Variants in PIK3C2G observed in about 807,000 individuals in gnomAD.
PIK3C2G encodes phosphatidylinositol-4-phosphate 3-kinase catalytic subunit type 2 gamma, also known as phosphatidylinositol 3-kinase C2 domain-containing subunit gamma.
In PIK3C2G, 168 loss-of-function variants were observed where a neutral mutation model predicts 181.1. The ratio of observed to expected loss-of-function variants is 0.93; its 90% CI spans 0.82 to 1.05. PIK3C2G has a LOEUF of 1.05. Ranked by LOEUF, PIK3C2G falls within the 50% of genes least tolerant of loss-of-function variation. The pLI, the probability that PIK3C2G is intolerant of heterozygous loss-of-function variation, is 0.00. For missense variants in PIK3C2G, 1,869 were observed against 1,732.8 expected (o/e 1.08, Z -1.40); for synonymous variants, 573 against 592.2 (o/e 0.97, Z 0.47).
chr12:18,709,526 T>C, the PIK3C2G span, among the ~76,000 whole-genome samples: 1 of 46,136 alleles, frequency 2.2e-5, no homozygotes, highest in African/African-American at 7.2e-5. Context: ...TTACAAATTT[T>C]AGGACTTTTT....
chr12:18,546,089 A>T (rs1944406157), intron 25 of PIK3C2G, among the ~76,000 whole-genome samples: 1 of 151,884 alleles, frequency 6.6e-6, no homozygotes, highest in African/African-American at 2.4e-5. Context: ...AATCTACAAG[A>T]ATGTTCCAAT....
the PIK3C2G span, chr12:18,696,247 G>A: frequency 2.1e-5 from 33 of 1,580,738 alleles, no homozygotes; most frequent in Non-Finnish European, 2.7e-5. Flanking sequence ...ACTTCCTGGT[G>A]TGAAAAATAA....
the PIK3C2G span, chr12:18,696,095 A>T: frequency 1.0e-6 from 1 of 987,610 alleles, no homozygotes; most frequent in Non-Finnish European, 1.6e-6. Context: ...ACATTCATAA[A>T]ATGAATTCAT....
At chr12:18,265,000 T>G (rs1948421028) in intron 1 of PIK3C2G, among the ~76,000 whole-genome samples, 1 of 152,196 alleles carries the variant, frequency 6.6e-6, no homozygotes, top group Admixed American at 6.5e-5. Flanking sequence ...TTTCTTAGAG[T>G]CTTCATGATA....
chr12:18,657,789 G>A, the PIK3C2G span, among the ~76,000 whole-genome samples: 1 of 151,978 alleles, frequency 6.6e-6, no homozygotes, highest in Admixed American at 6.6e-5. Context: ...TGTGAAGTGT[G>A]CAAATAATAA....
At chr12:18,655,387 C>T in the PIK3C2G span, among the ~76,000 whole-genome samples, 606 of 152,108 alleles carry the variant, frequency 4.0e-3, 7 homozygotes, top group African/African-American at 0.014. Context: ...TAGTTATCCA[C>T]GAATCCACAC....
intron 14 of PIK3C2G, among the ~76,000 whole-genome samples, chr12:18,383,047 C>G (rs948308182): frequency 6.6e-6 from 1 of 152,084 alleles, no homozygotes; most frequent in Non-Finnish European, 1.5e-5. Flanking sequence ...CATAGACACT[C>G]CACACACGAT....
chr12:18,548,901 C>A (rs958762255), intron 26 of PIK3C2G, among the ~76,000 whole-genome samples: 1 of 152,020 alleles, frequency 6.6e-6, no homozygotes, highest in Admixed American at 6.6e-5. Context: ...AACTACCCGC[C>A]CCCTGTCTCC....
At chr12:18,290,713 A>T (rs2137193590) in intron 3 of PIK3C2G, 142 bp from the exon 4 acceptor site, 1 of 632,228 alleles carries the variant, frequency 1.6e-6, no homozygotes, top group Non-Finnish European at 2.8e-6. Context: ...ATCACAAATC[A>T]ATTACTGATT....
intron 1 of PIK3C2G, among the ~76,000 whole-genome samples, chr12:18,280,744 A>G (rs1244924541): frequency 6.6e-6 from 1 of 152,112 alleles, no homozygotes; most frequent in Non-Finnish European, 1.5e-5. Flanking sequence ...TAATTGGATT[A>G]CTGTATAAGG....
intron 29 of PIK3C2G, among the ~76,000 whole-genome samples, chr12:18,582,135 G>C (rs1946530646): frequency 6.6e-6 from 1 of 152,190 alleles, no homozygotes; most frequent in Non-Finnish European, 1.5e-5. Flanking sequence ...GAAGCAGCTA[G>C]TGTGCATAGC....
rs1262539163 is a variant in PIK3C2G at position 18,597,532 on chromosome 12, CA to C, written c.4087+2966del. ...CTCATCTATTAAGGAAGTTGTTTTC[CA>C]AATTGGAACAAAAATGCAAATCATA... On this transcript the variant is annotated intron_variant, in intron 30 of 32. Coordinates refer to ENST00000538779, the MANE Select transcript of PIK3C2G (RefSeq NM_001288772.2). Among the ~76,000 whole-genome samples, 9 of 152,086 alleles carry C rather than the reference CA, an allele frequency of 5.9e-5. 1 individual carries two copies. The highest frequency in any genetic ancestry group is 1.9e-4 in the African/African-American group (8 of 41,492).
intron 6 of PIK3C2G, chr12:18,314,406 CT>C (rs1294016186): frequency 1.1e-5 from 2 of 177,118 alleles, no homozygotes; most frequent in African/African-American, 4.7e-5. Context: ...AAGCAGAGCC[CT>C]TATGATGAGG....
intron 1 of PIK3C2G, among the ~76,000 whole-genome samples, chr12:18,271,356 A>G (rs566907508): frequency 4.9e-4 from 74 of 152,160 alleles, no homozygotes; most frequent in African/African-American, 1.7e-3. Context: ...AAGCCATTCA[A>G]TCATGATTTT....
At chr12:18,543,919 T>C (rs1238574690) in intron 25 of PIK3C2G, among the ~76,000 whole-genome samples, 1 of 151,866 alleles carries the variant, frequency 6.6e-6, no homozygotes, top group African/African-American at 2.4e-5. Context: ...CAGTTCCTGT[T>C]CTCAAAGAAC....
chr12:18,572,386 ATAAT>A (rs1258895483), intron 29 of PIK3C2G, among the ~76,000 whole-genome samples: 1 of 148,304 alleles, frequency 6.7e-6, no homozygotes, highest in East Asian at 1.9e-4. Flanking sequence ...TATATAATAT[ATAAT>A]AAAGCTTTAT....
chr12:18,710,574 A>G, the PIK3C2G span, among the ~76,000 whole-genome samples: 1 of 152,136 alleles, frequency 6.6e-6, no homozygotes, highest in Non-Finnish European at 1.5e-5. Flanking sequence ...ACTCTGGTTG[A>G]TATGTTGAGA....
chr12:18,572,890 C>G (rs570601158), intron 29 of PIK3C2G, among the ~76,000 whole-genome samples: 2 of 151,916 alleles, frequency 1.3e-5, no homozygotes, highest in African/African-American at 2.4e-5. Flanking sequence ...TCTTTGAGTT[C>G]TTAATTTCAA....
intron 1 of PIK3C2G, 82 bp from the exon 2 acceptor site, chr12:18,281,922 A>G: frequency 1.7e-6 from 1 of 578,652 alleles, no homozygotes; most frequent in South Asian, 2.5e-5. Context: ...ACAGTTAGTT[A>G]TAGTTATTTA....
Sources: allele counts gnomAD v4.1 joint callset (sites outside exome capture counted in the v4.1 genomes callset), GRCh38; gene constraint gnomAD v4.1.1; transcripts MANE v1.5; gene names NCBI Gene and HGNC (gene_info 2026-07-23, HGNC 2026-07-21).